Variants in ADAMTS19 observed in about 807,000 individuals in gnomAD.
The protein encoded by ADAMTS19 is A disintegrin and metalloproteinase with thrombospondin motifs 19.
ADAMTS19 carries 93 observed loss-of-function variants against 153.3 expected under a neutral mutation model. The ratio of observed to expected loss-of-function variants is 0.61; its 90% CI spans 0.51 to 0.72. The LOEUF (loss-of-function observed/expected upper bound fraction) is 0.72. Ranked by LOEUF, ADAMTS19 falls within the 30% of genes least tolerant of loss-of-function variation. The pLI, the probability that ADAMTS19 is intolerant of heterozygous loss-of-function variation, is 0.00. For synonymous variants in ADAMTS19, 600 were observed against 556.6 expected (o/e 1.08, Z -1.10); for missense variants, 1,482 against 1,552.1 (o/e 0.95, Z 0.76).
At chr5:129,517,572 A>G (rs188336538) in intron 3 of ADAMTS19, among the ~76,000 whole-genome samples, 2 of 151,894 alleles carry the variant, frequency 1.3e-5, no homozygotes, top group African/African-American at 4.8e-5. Context: ...TTTGTCTTGA[A>G]ATCTATTTTG....
intron 2 of ADAMTS19, among the ~76,000 whole-genome samples, chr5:129,499,105 T>G (rs1205743313): frequency 6.6e-6 from 1 of 152,060 alleles, no homozygotes; most frequent in Non-Finnish European, 1.5e-5. Context: ...GAAGTAGATT[T>G]TAAAATAAAT....
intron 14 of ADAMTS19, among the ~76,000 whole-genome samples, chr5:129,655,603 T>C (rs1753513473): frequency 6.6e-6 from 1 of 150,624 alleles, no homozygotes; most frequent in Non-Finnish European, 1.5e-5. Flanking sequence ...ATTTGATGAA[T>C]TTTTTTTTCC....
At chr5:129,671,935 A>G (rs1754319212) in intron 16 of ADAMTS19, among the ~76,000 whole-genome samples, 1 of 152,186 alleles carries the variant, frequency 6.6e-6, no homozygotes, top group South Asian at 2.1e-4. Flanking sequence ...GCAAAATTCA[A>G]AAGAAAAAAC....
At chr5:129,478,332 T>C (rs897866479) in intron 2 of ADAMTS19, among the ~76,000 whole-genome samples, 1 of 152,214 alleles carries the variant, frequency 6.6e-6, no homozygotes, top group East Asian at 1.9e-4. Context: ...CACATGCTTA[T>C]TTTATCTTTT....
intron 7 of ADAMTS19, among the ~76,000 whole-genome samples, chr5:129,553,272 C>A (rs1404810053): frequency 6.6e-6 from 1 of 152,108 alleles, no homozygotes; most frequent in Non-Finnish European, 1.5e-5. Context: ...TAGCTATACA[C>A]ACGAACTGAC....
chr5:129,525,201 C>A (rs189317107), intron 3 of ADAMTS19, among the ~76,000 whole-genome samples: 30 of 152,160 alleles, frequency 2.0e-4, no homozygotes, highest in Non-Finnish European at 4.1e-4. Flanking sequence ...TGCAAATATT[C>A]AACTTTAGTA....
Position 129,533,054 on chromosome 5 carries a change from G to C in ADAMTS19, c.1328+4377G>C, listed in dbSNP as rs549652556. Among the ~76,000 whole-genome samples the C allele has an allele frequency of 1.2e-4, 19 of 152,122 alleles. No homozygotes were observed. The South Asian group carries it at 1.7e-3, about 13-fold the overall frequency. On this transcript the variant is annotated intron_variant, in intron 6 of 22. Transcript: ENST00000274487. Reference sequence around the variant, plus strand: ...GCAGGCGGAGGTTGCAGTGAGTGGAGACTGCACCACTGCAATCCAGCCTGG... The same window carrying C: ...GCAGGCGGAGGTTGCAGTGAGTGGACACTGCACCACTGCAATCCAGCCTGG...
intron 2 of ADAMTS19, among the ~76,000 whole-genome samples, chr5:129,464,193 A>T (rs1749780685): frequency 6.6e-6 from 1 of 152,190 alleles, no homozygotes; most frequent in Non-Finnish European, 1.5e-5. Context: ...AATAGAGAGA[A>T]ATGATCTTAA....
Position 129,658,343 on chromosome 5 carries a change from A to AAGAGAGAGAGAGAGAGAGAGAGAGAG in ADAMTS19, c.2305-271_2305-270insGAGAGAGAGAGAGAGAGAGAGAGAGA, listed in dbSNP as rs1344665969. 4.5e-5 allele frequency among the ~76,000 whole-genome samples: 5 copies of AAGAGAGAGAGAGAGAGAGAGAGAGAG among 112,212 alleles called. 1 individual carries two copies. Among genetic ancestry groups the AAGAGAGAGAGAGAGAGAGAGAGAGAG allele is most frequent in the African/African-American group, 2.0e-4 (5 of 24,598 alleles). The allele number at this position is 112,212 out of a possible 152,430, so 73.6% of individuals were successfully genotyped here. On this transcript the variant is annotated intron_variant, in intron 14 of 22. Transcript: ENST00000274487. ...AAAGAAAGAAAGAAAGAAAGAAAGA[A>AAGAGAGAGAGAGAGAGAGAGAGAGAG]AGAAAGAAAGAAAGAAAGAAAGAAA...
intron 18 of ADAMTS19, among the ~76,000 whole-genome samples, chr5:129,690,584 A>C (rs1490349319): frequency 1.3e-5 from 2 of 152,342 alleles, no homozygotes; most frequent in East Asian, 3.9e-4. Context: ...CAATATCCTT[A>C]GGGAATAATA....
intron 2 of ADAMTS19, among the ~76,000 whole-genome samples, chr5:129,488,174 T>C (rs1750658596): frequency 6.6e-6 from 1 of 152,032 alleles, no homozygotes; most frequent in African/African-American, 2.4e-5. Context: ...ATAAAGTACT[T>C]GTGCAGGGCT....
At chr5:129,638,062 C>G (rs541676890) in intron 10 of ADAMTS19, among the ~76,000 whole-genome samples, 2 of 152,110 alleles carry the variant, frequency 1.3e-5, no homozygotes, top group South Asian at 4.1e-4. Flanking sequence ...CAGTAACCCC[C>G]TAGGAAACAT....
intron 16 of ADAMTS19, among the ~76,000 whole-genome samples, chr5:129,678,428 TG>T (rs1178827530): frequency 2.0e-5 from 3 of 152,178 alleles, no homozygotes; most frequent in Non-Finnish European, 4.4e-5. Context: ...GTTTAATGTC[TG>T]GCTCTGCAGT....
At chr5:129,511,230 T>A (rs1365068370) in intron 3 of ADAMTS19, among the ~76,000 whole-genome samples, 1 of 151,882 alleles carries the variant, frequency 6.6e-6, no homozygotes, top group Non-Finnish European at 1.5e-5. Flanking sequence ...CTCTTAGTGT[T>A]TTCAAGGTTT....
intron 21 of ADAMTS19, among the ~76,000 whole-genome samples, chr5:129,726,298 CT>C (rs1561672747): frequency 6.6e-6 from 1 of 152,056 alleles, no homozygotes; most frequent in African/African-American, 2.4e-5. Flanking sequence ...ACAAGACTCT[CT>C]TTTTAAAATA....
rs183921089 is a variant in ADAMTS19 at position 129,651,511 on chromosome 5, C to T, written c.2176+2541C>T. Among the ~76,000 whole-genome samples, 364 of 152,266 alleles carry T rather than the reference C, an allele frequency of 2.4e-3. 2 individuals carry two copies. The highest frequency in any genetic ancestry group is 6.8e-3 in the African/African-American group (284 of 41,554). On this transcript the variant is annotated intron_variant, in intron 13 of 22. Coordinates refer to ENST00000274487, the MANE Select transcript of ADAMTS19 (RefSeq NM_133638.6). ...TATATGGCCAGGCTGACTTCCATTC[C>T]ACCCCTTAGATACATCTGCTCTCTT...
chr5:129,548,335 A>C (rs1752937408), intron 6 of ADAMTS19, among the ~76,000 whole-genome samples: 1 of 149,352 alleles, frequency 6.7e-6, no homozygotes, highest in African/African-American at 2.6e-5. Flanking sequence ...ACAAAAAAAA[A>C]AACAAACAAC....
At chr5:129,727,954 T>C (rs1757275314) in intron 21 of ADAMTS19, among the ~76,000 whole-genome samples, 1 of 152,046 alleles carries the variant, frequency 6.6e-6, no homozygotes, top group South Asian at 2.1e-4. Context: ...CAGGATGAGA[T>C]GGGAGGTGGG....
intron 6 of ADAMTS19, among the ~76,000 whole-genome samples, chr5:129,539,913 C>A (rs1298406456): frequency 2.0e-5 from 3 of 151,998 alleles, no homozygotes; most frequent in Non-Finnish European, 2.9e-5. Flanking sequence ...AGTGAAAAAT[C>A]ACCCCACTAA....
Sources: gnomAD v4.1 joint callset for allele counts (sites outside exome capture counted in the v4.1 genomes callset) on GRCh38, gnomAD v4.1.1 for gene constraint, MANE v1.5 for transcripts, NCBI Gene and HGNC (gene_info 2026-07-23, HGNC 2026-07-21) for gene names.